Variants in ZNF177 observed in about 807,000 individuals in gnomAD.
ZNF177 encodes zinc finger protein 177.
In ZNF177, 17 loss-of-function variants were observed where a neutral mutation model predicts 19.4. The ratio of observed to expected loss-of-function variants is 0.87; its 90% CI spans 0.60 to 1.31. The LOEUF (loss-of-function observed/expected upper bound fraction) is 1.31. ZNF177 is among the 40% of genes most tolerant of loss of function. ZNF177 has a pLI of 0.00. For synonymous variants in ZNF177, 220 were observed against 188.7 expected, an observed-to-expected ratio of 1.17 and a Z score of -1.36; for missense variants, 633 against 561.8, an observed-to-expected ratio of 1.13 and a Z score of -1.28.
rs947568288 is a variant in ZNF177, at chr19:9,378,362, C to G, written c.33+18C>G. On this transcript the variant is annotated intron_variant, in intron 2 of 5. Transcript: ENST00000589262. ...GGTCACAGGTACACAAGAAATTTCT[C>G]TATTTCCAAAAGCACACTGCCATTC... 7 of 1,613,274 alleles carry G rather than the reference C, an allele frequency of 4.3e-6. No homozygotes were observed. In the African/African-American group the frequency reaches 8.0e-5, roughly 18 times the overall value.
chr19:9,378,577 G>T, intron 2 of ZNF177: 1 of 666,692 alleles, frequency 1.5e-6, no homozygotes. Context: ...ATACTGTAGT[G>T]AGTGCTGTAA....
intron 2 of ZNF177, among the ~76,000 whole-genome samples, chr19:9,370,010 C>A (rs2068027836): frequency 6.6e-6 from 1 of 152,130 alleles, no homozygotes; most frequent in African/African-American, 2.4e-5. Context: ...TTCTACTTAA[C>A]ATTTTGGGTC....
rs1245382013 is a variant in ZNF177 at position 9,380,994 on chromosome 19, ACGTGAGCAAAT to A, written c.664_674del (p.Arg222ThrfsTer7). ...TCAGCCTACACTCTTCCTGCTCAGT[ACGTGAGCAAAT>A]ACCTACTGGAGAGAAAGGTGATGAA... On this transcript the variant is annotated frameshift_variant, in exon 6 of 6. Coordinates refer to ENST00000589262, the Ensembl canonical transcript of ZNF177. LOFTEE classifies it low-confidence loss of function (END_TRUNC). The A allele has an allele frequency of 6.4e-7, 1 of 1,564,060 alleles. No homozygotes were observed. Among genetic ancestry groups the A allele is most frequent in the Admixed American group, 1.8e-5 (1 of 54,364 alleles).
chr19:9,375,300 G>A (rs1026880316), upstream of ZNF177, among the ~76,000 whole-genome samples: 25 of 152,088 alleles, frequency 1.6e-4, no homozygotes, highest in African/African-American at 5.8e-4. Context: ...GTAGTTTTTT[G>A]CTCTTACAGT....
intron 1 of ZNF177, 52 bp from the exon 4 acceptor site, chr19:9,378,207 T>C: frequency 6.6e-7 from 1 of 1,505,894 alleles, no homozygotes; most frequent in South Asian, 1.3e-5. Flanking sequence ...AGCCTGCTAG[T>C]GTTGAACATC....
chr19:9,380,857 C>T (rs1401432958), exon 6 of ZNF177: 1 of 1,536,072 alleles, frequency 6.5e-7, no homozygotes, highest in South Asian at 1.2e-5. Flanking sequence ...AGAGAAAACT[C>T]TTGAATTTAC....
exon 3 of ZNF177, chr19:9,379,026 C>T: frequency 6.2e-7 from 1 of 1,610,808 alleles, no homozygotes; most frequent in Non-Finnish European, 8.5e-7. Flanking sequence ...TTGCTGGACC[C>T]TGCTCAAAAA....
chr19:9,379,288 AT>A (rs1256373498), intron 3 of ZNF177, 200 bp downstream of exon 5: 1 of 1,119,446 alleles, frequency 8.9e-7, no homozygotes, highest in African/African-American at 1.6e-5. Flanking sequence ...GCTTAAGGTA[AT>A]TTGCAATCTG....
chr19:9,378,435 A>C, intron 2 of ZNF177, 91 bp downstream of exon 4: 1 of 1,570,886 alleles, frequency 6.4e-7, no homozygotes, highest in Non-Finnish European at 8.7e-7. Context: ...TCACAGCCCA[A>C]TCTGAGCTGG....
exon 6 of ZNF177, chr19:9,381,309 T>C (rs2122567596): frequency 1.2e-6 from 2 of 1,613,336 alleles, no homozygotes; most frequent in Non-Finnish European, 1.7e-6. Context: ...AGAGCTCTCA[T>C]CTGAATGTGC....
At chr19:9,374,394 A>T (rs960892038), upstream of ZNF177, among the ~76,000 whole-genome samples, 2 of 152,254 alleles carry the variant, frequency 1.3e-5, no homozygotes, top group Middle Eastern at 3.4e-3. Context: ...TATGAATTTT[A>T]GGATTGTTTT....
At chr19:9,365,793 C>T (rs190283831) in intron 2 of ZNF177, among the ~76,000 whole-genome samples, 2 of 151,922 alleles carry the variant, frequency 1.3e-5, no homozygotes, top group Admixed American at 6.5e-5. Context: ...AGTGTGGCGC[C>T]AAGATTGAAA....
chr19:9,371,467 A>G (rs1213780084), upstream of ZNF177: 3 of 152,114 alleles, frequency 2.0e-5, no homozygotes, highest in Non-Finnish European at 4.4e-5. Flanking sequence ...TATTTCTTAT[A>G]AAGAGTAGTT....
At chr19:9,365,438 T>G (rs2122478512) in intron 2 of ZNF177, among the ~76,000 whole-genome samples, 1 of 149,816 alleles carries the variant, frequency 6.7e-6, no homozygotes, top group Middle Eastern at 3.5e-3. Context: ...CCCAGAAAAG[T>G]GGAGAAGGGC....
chr19:9,377,421 A>G (rs889814326), intron 1 of ZNF177, among the ~76,000 whole-genome samples: 11 of 152,126 alleles, frequency 7.2e-5, no homozygotes, highest in African/African-American at 2.7e-4. Flanking sequence ...ATGCTTCAGA[A>G]GACATTCTAG....
chr19:9,380,775 T>C, exon 6 of ZNF177: 1 of 1,536,112 alleles, frequency 6.5e-7, no homozygotes, highest in South Asian at 1.2e-5. Flanking sequence ...AGAAATGCTA[T>C]AAATATATAA....
chr19:9,378,337 G>A lies in ZNF177; in HGVS notation c.26G>A (p.Trp9Ter). 6.2e-7 allele frequency: 1 copy of A among 1,613,590 alleles called. No individual in the cohort carries two copies. Among genetic ancestry groups the A allele is most frequent in the Non-Finnish European group, 8.5e-7 (1 of 1,179,792 alleles). Residue 9 changes from tryptophan (W) to a stop codon, truncating the protein, a stop_gained, in exon 2 of 6, where the codon TGG becomes TAG. Coordinates refer to ENST00000589262, the Ensembl canonical transcript of ZNF177. LOFTEE classifies it high-confidence loss of function. ...ATGGCTGCAGGGTGGCTGACAACCT[G>A]GTCACAGGTACACAAGAAATTTCTC...
chr19:9,377,081 A>G (rs1362666498), intron 1 of ZNF177, among the ~76,000 whole-genome samples: 1 of 152,182 alleles, frequency 6.6e-6, no homozygotes, highest in African/African-American at 2.4e-5. Context: ...GTGTAAAGAC[A>G]TTTTGGTCAG....
upstream of ZNF177, among the ~76,000 whole-genome samples, chr19:9,373,764 C>T (rs1300947747): frequency 6.6e-6 from 1 of 152,050 alleles, no homozygotes; most frequent in African/African-American, 2.4e-5. Context: ...CTATTTAGAT[C>T]CTTTACCCAT....
Sources: allele counts gnomAD v4.1 joint callset (sites outside exome capture counted in the v4.1 genomes callset), GRCh38; gene constraint gnomAD v4.1.1; transcripts MANE v1.5; gene names NCBI Gene and HGNC (gene_info 2026-07-23, HGNC 2026-07-21).